Variants in RSPO1 observed in about 807,000 individuals in gnomAD.
RSPO1 encodes the protein R-spondin 1.
In RSPO1, 18 loss-of-function variants were observed where a neutral mutation model predicts 26.0. The observed-to-expected ratio is 0.69, with a 90% confidence interval of 0.48 to 1.03. RSPO1 has a LOEUF of 1.03. Among genes scored for constraint, RSPO1 ranks in the 50% least tolerant of loss-of-function variants. The pLI is 0.00. For missense variants in RSPO1, 309 were observed against 352.3 expected (o/e 0.88, Z 0.98); for synonymous variants, 133 against 137.4 (o/e 0.97, Z 0.22).
At chr1:37,617,384 C>T (rs1030578058) in intron 3 of RSPO1, among the ~76,000 whole-genome samples, 1 of 152,074 alleles carries the variant, frequency 6.6e-6, no homozygotes, top group African/African-American at 2.4e-5. Flanking sequence ...TGAAGTCGGG[C>T]GCGGTGACTC....
intron 3 of RSPO1, among the ~76,000 whole-genome samples, chr1:37,617,254 G>C (rs1035801712): frequency 6.6e-6 from 1 of 152,188 alleles, no homozygotes; most frequent in Admixed American, 6.5e-5. Context: ...GTGGCATCAA[G>C]TGGGTAGAGC....
chr1:37,621,568 A>G (rs1644203457), intron 3 of RSPO1, among the ~76,000 whole-genome samples: 1 of 152,076 alleles, frequency 6.6e-6, no homozygotes, highest in Non-Finnish European at 1.5e-5. Context: ...GGGCTTGTGT[A>G]ACAGCCCTTC....
Position 37,614,233 on chromosome 1 carries a change from A to T in RSPO1, c.387T>A (p.Cys129Ter). The change falls in exon 5 of 7, where the codon TGT (cysteine) becomes TGA (stop). Residue 129 changes from cysteine (C) to a stop codon, truncating the protein, a stop_gained. Coordinates refer to ENST00000356545, the MANE Select transcript of RSPO1 (RefSeq NM_001242908.2). LOFTEE classifies it high-confidence loss of function. ...CATTGGCAGCTGAGGAGCCCTCGGG[A>T]CAAGCTGGATAGCAGCGGCCCTTGT... is the stretch of plus-strand genomic sequence containing the variant. Reference protein sequence around the residue: ...YLHKGRCYPACPEGSSAANGT... With the variant: ...YLHKGRCYPA 1 of 1,613,488 alleles carries T rather than the reference A, an allele frequency of 6.2e-7. No homozygotes were observed. The highest frequency in any genetic ancestry group is 8.5e-7 in the Non-Finnish European group (1 of 1,180,010).
chr1:37,616,614 G>A lies in RSPO1; in HGVS notation c.156C>T (p.Gly52=). The A allele has an allele frequency of 6.2e-7, 1 of 1,614,166 alleles. No individual in the cohort carries two copies. The highest frequency in any genetic ancestry group is 8.5e-7 in the Non-Finnish European group (1 of 1,180,032). The change falls in exon 4 of 7, where the codon GGC becomes GGT. Residue 52 remains glycine (G), a synonymous_variant. Transcript: ENST00000356545. ...ACAGCTTGGGTGAGCACTTGAGGCA[G>A]CCGTTGACTTCAGAGCAGAGCTCAC... ...KGCELCSEVN[G]CLKCSPKLFI...
Position 37,632,813 on chromosome 1 carries a change from T to G in RSPO1, c.-355-460A>C, listed in dbSNP as rs146513866. 2.9e-3 allele frequency among the ~76,000 whole-genome samples: 444 copies of G among 152,324 alleles called. 1 individual carries two copies. Among genetic ancestry groups the G allele is most frequent in the African/African-American group, 1.0e-2 (414 of 41,572 alleles). On this transcript the variant is annotated intron_variant, in intron 1 of 6. Coordinates refer to ENST00000356545, the MANE Select transcript of RSPO1 (RefSeq NM_001242908.2). ...ATGCGCACACACAGGCATGCACTCT[T>G]GCAGACATGGACAGCATGGGCTAGG...
At chr1:37,624,474 C>G (rs1010154951) in intron 3 of RSPO1, among the ~76,000 whole-genome samples, 3 of 151,982 alleles carry the variant, frequency 2.0e-5, no homozygotes, top group Admixed American at 1.3e-4. Context: ...ACCATCCCCC[C>G]CAACCCCACC....
intron 4 of RSPO1, among the ~76,000 whole-genome samples, chr1:37,614,716 G>C (rs1027005851): frequency 1.2e-4 from 18 of 152,214 alleles, no homozygotes; most frequent in African/African-American, 4.3e-4. Flanking sequence ...ACAGCATCCA[G>C]AGGGCCACCC....
At chr1:37,628,787 G>A (rs1045886231) in intron 3 of RSPO1, among the ~76,000 whole-genome samples, 4 of 152,222 alleles carry the variant, frequency 2.6e-5, no homozygotes, top group Admixed American at 6.5e-5. Context: ...GGAGACCTGG[G>A]TTCCAACATC....
At chr1:37,615,527 C>A (rs1180072958) in intron 4 of RSPO1, among the ~76,000 whole-genome samples, 1 of 152,170 alleles carries the variant, frequency 6.6e-6, no homozygotes, top group Non-Finnish European at 1.5e-5. Context: ...AGTCATTTAC[C>A]CTCCGGGCCT....
Position 37,620,181 on chromosome 1 carries a change from GAAA to G in RSPO1, c.95-3509_95-3507del, listed in dbSNP as rs777225104. Among the ~76,000 whole-genome samples the G allele has an allele frequency of 9.7e-4, 147 of 152,168 alleles. 1 individual carries two copies. The highest frequency in any genetic ancestry group is 1.9e-3 in the Non-Finnish European group (129 of 68,022). On this transcript the variant is annotated intron_variant, in intron 3 of 6. Transcript: ENST00000356545. ...GGGTAGGACAATATGAGGTGGCATG[GAAA>G]CTAAAAGTGTGGTTAGACTATATAT...
chr1:37,629,864 CAAAG>C lies in RSPO1; in HGVS notation c.-207_-204del. On this transcript the variant is annotated 5_prime_UTR_variant, in exon 3 of 7. The change abolishes the stop of an existing upstream ORF in the 5' untranslated region. Transcript: ENST00000356545. ...CTCCATCAGCTCAAAGGGAGGTCCT[CAAAG>C]AGAGACTTCCTCAAAGATACCTCGG... 6.4e-7 allele frequency: 1 copy of C among 1,550,656 alleles called. No individual in the cohort carries two copies. Among genetic ancestry groups the C allele is most frequent in the Non-Finnish European group, 8.7e-7 (1 of 1,146,790 alleles).
At chr1:37,630,031 T>G (rs775363509) in intron 2 of RSPO1, 82 bp from the exon 3 acceptor site, 78 of 684,348 alleles carry the variant, frequency 1.1e-4, no homozygotes, top group Non-Finnish European at 1.9e-4. Flanking sequence ...CCCAGAAGAC[T>G]GGGAGCTCAA....
chr1:37,629,159 G>T (rs1337811512), intron 3 of RSPO1, among the ~76,000 whole-genome samples: 1 of 152,198 alleles, frequency 6.6e-6, no homozygotes, highest in African/African-American at 2.4e-5. Flanking sequence ...AACCCAAAAG[G>T]GTTGATGGCT....
At chr1:37,614,987 G>T (rs1156415685) in intron 4 of RSPO1, among the ~76,000 whole-genome samples, 1 of 152,180 alleles carries the variant, frequency 6.6e-6, no homozygotes, top group Non-Finnish European at 1.5e-5. Context: ...CTGGGGGAAT[G>T]GGGGCAGGGT....
chr1:37,627,954 T>A (rs758430804), intron 3 of RSPO1, among the ~76,000 whole-genome samples: 59 of 152,198 alleles, frequency 3.9e-4, no homozygotes, highest in Non-Finnish European at 1.3e-4. Flanking sequence ...TGTGGCCATA[T>A]GAAAAGCGAG....
chr1:37,619,384 A>C (rs927978216), intron 3 of RSPO1, among the ~76,000 whole-genome samples: 8 of 152,340 alleles, frequency 5.3e-5, no homozygotes, highest in Admixed American at 2.0e-4. Flanking sequence ...CCAGAGCCAG[A>C]TTCCCAGTCT....
intron 3 of RSPO1, among the ~76,000 whole-genome samples, chr1:37,620,838 A>G (rs1644189271): frequency 6.6e-6 from 1 of 152,058 alleles, no homozygotes; most frequent in Non-Finnish European, 1.5e-5. Flanking sequence ...CACCACTTCC[A>G]CTTCAAAGAT....
At chr1:37,620,895 A>G (rs1487176863) in intron 3 of RSPO1, among the ~76,000 whole-genome samples, 2 of 152,166 alleles carry the variant, frequency 1.3e-5, no homozygotes, top group East Asian at 3.8e-4. Flanking sequence ...CATTGTTGAC[A>G]TGAATGCGCC....
intron 3 of RSPO1, 44 bp from the exon 4 acceptor site, chr1:37,616,719 C>T: frequency 6.6e-7 from 1 of 1,518,190 alleles, no homozygotes; most frequent in Non-Finnish European, 9.1e-7. Flanking sequence ...GTGGAGAGAA[C>T]CTCACCTATC....
Sources: gnomAD v4.1 joint callset for allele counts (sites outside exome capture counted in the v4.1 genomes callset) on GRCh38, gnomAD v4.1.1 for gene constraint, MANE v1.5 for transcripts, NCBI Gene and HGNC (gene_info 2026-07-23, HGNC 2026-07-21) for gene names.